Variants in SPNS2 observed in about 807,000 individuals in gnomAD.
SPNS2 encodes the protein SPNS lysolipid transporter 2, sphingosine-1-phosphate.
SPNS2 carries 37 observed loss-of-function variants against 57.6 expected under a neutral mutation model. The ratio of observed to expected loss-of-function variants is 0.64; its 90% confidence interval spans 0.49 to 0.85. SPNS2 has a LOEUF of 0.85. Among genes scored for constraint, SPNS2 ranks in the 40% least tolerant of loss-of-function variants. SPNS2 has a pLI of 0.00. For missense variants in SPNS2, 831 were observed against 779.1 expected (o/e 1.07, Z -0.79); for synonymous variants, 440 against 346.9 (o/e 1.27, Z -2.98).
rs375501046 is a variant in SPNS2 at position 4,531,040 on chromosome 17, C to T, written c.726-13C>T. ...TGTCTCTGCTCAGCCTGACGTGTGT[C>T]TCTTCTCTGCAGTGGCCTGGGCTAC... On this transcript the variant is annotated splice_polypyrimidine_tract_variant and intron_variant, in intron 4 of 12. Coordinates refer to ENST00000329078, the MANE Select transcript of SPNS2 (RefSeq NM_001124758.3). 25 of 1,613,770 alleles carry T rather than the reference C, an allele frequency of 1.5e-5. No homozygotes were observed. The highest frequency in any genetic ancestry group is 1.7e-5 in the Admixed American group (1 of 60,000).
chr17:4,513,224 A>G, intron 1 of SPNS2, 23 bp from the exon 2 acceptor site: 1 of 1,613,180 alleles, frequency 6.2e-7, no homozygotes, highest in East Asian at 2.2e-5. Flanking sequence ...TCGGCCAGTG[A>G]GCACCCTCTG....
chr17:4,503,104 T>C (rs1904574506), intron 1 of SPNS2, among the ~76,000 whole-genome samples: 1 of 152,146 alleles, frequency 6.6e-6, no homozygotes, highest in African/African-American at 2.4e-5. Flanking sequence ...TGCACCTCCT[T>C]GCGCAGATGG....
At position 4,538,438 on chromosome 17, in the gene SPNS2, C is replaced by T. The variant is rs1905998259; in HGVS notation, c.*990C>T. Reference sequence around the variant, plus strand: ...CCGGGAGAGGCGGCCCCTACCCAAACACTGGCTGCTGGCATTCCACCAAGT... The same window carrying T: ...CCGGGAGAGGCGGCCCCTACCCAAATACTGGCTGCTGGCATTCCACCAAGT... On this transcript the variant is annotated 3_prime_UTR_variant, in exon 13 of 13. Coordinates refer to ENST00000329078, the MANE Select transcript of SPNS2 (RefSeq NM_001124758.3). 5.0e-6 allele frequency: 1 copy of T among 199,290 alleles called. No individual in the cohort carries two copies. Among genetic ancestry groups the T allele is most frequent in the Non-Finnish European group, 1.0e-5 (1 of 98,600 alleles). The allele number at this position is 199,290 out of a possible 1,614,324, so 12.3% of individuals were successfully genotyped here. A position where few individuals can be genotyped will look rare whatever the true frequency, so the allele number is the denominator to read the frequency against.
At chr17:4,504,460 G>A (rs1904619358) in intron 1 of SPNS2, among the ~76,000 whole-genome samples, 1 of 152,210 alleles carries the variant, frequency 6.6e-6, no homozygotes, top group Admixed American at 6.5e-5. Context: ...TGGGGCCCTG[G>A]ACCGGTGATG....
rs146824107 is a variant in SPNS2, at chr17:4,525,789, T to C, written c.573+596T>C. 7.9e-5 allele frequency among the ~76,000 whole-genome samples: 12 copies of C among 152,362 alleles called. No individual in the cohort carries two copies. In the East Asian group the frequency reaches 1.9e-3, roughly 24 times the overall value. ...CTCATCTTTAAAATGGGGATAATAC[T>C]TCCCAACTCGAAGGTTTCCCTTGAG... On this transcript the variant is annotated intron_variant, in intron 3 of 12. Coordinates refer to ENST00000329078, the MANE Select transcript of SPNS2 (RefSeq NM_001124758.3).
At chr17:4,508,691 T>C (rs1298368963) in intron 1 of SPNS2, among the ~76,000 whole-genome samples, 1 of 152,244 alleles carries the variant, frequency 6.6e-6, no homozygotes, top group East Asian at 1.9e-4. Flanking sequence ...CCGTACCCAC[T>C]GGGCCAATAC....
chr17:4,523,534 G>A (rs1305419786), intron 2 of SPNS2, among the ~76,000 whole-genome samples: 2 of 152,204 alleles, frequency 1.3e-5, no homozygotes, highest in East Asian at 1.9e-4. Flanking sequence ...TTGGGAGGCC[G>A]AGGCAGGTGG....
Position 4,532,531 on chromosome 17 carries a change from C to T in SPNS2, c.793-11C>T. The T allele has an allele frequency of 6.2e-7, 1 of 1,614,144 alleles. No homozygotes were observed. The highest frequency in any genetic ancestry group is 8.5e-7 in the Non-Finnish European group (1 of 1,180,026). On this transcript the variant is annotated splice_polypyrimidine_tract_variant and intron_variant, in intron 5 of 12. Coordinates refer to ENST00000329078, the MANE Select transcript of SPNS2 (RefSeq NM_001124758.3). ...TGGGCCCTGGTGTCCTAACTTCCTG[C>T]TCTCTGGCAGGTGTCCCCTGTCCTG...
At chr17:4,521,494 A>G (rs977248268) in intron 2 of SPNS2, among the ~76,000 whole-genome samples, 5 of 152,254 alleles carry the variant, frequency 3.3e-5, no homozygotes, top group Non-Finnish European at 7.3e-5. Flanking sequence ...TGCACGTGCT[A>G]TCCAGCACCC....
intron 5 of SPNS2, among the ~76,000 whole-genome samples, chr17:4,532,070 A>G (rs762473075): frequency 6.6e-6 from 1 of 152,048 alleles, no homozygotes; most frequent in Non-Finnish European, 1.5e-5. Context: ...TCATCATCCC[A>G]TCTGGCTATC....
intron 5 of SPNS2, among the ~76,000 whole-genome samples, chr17:4,531,750 A>C (rs111684233): frequency 0.03 from 4,486 of 151,914 alleles, 118 homozygotes; most frequent in African/African-American, 0.059. Context: ...AGGGGCTCCC[A>C]GTCCCGGGGG....
rs777101004 is a variant in SPNS2 at position 4,531,042 on chromosome 17, C to G, written c.726-11C>G. 1.9e-6 allele frequency: 3 copies of G among 1,613,904 alleles called. No homozygotes were observed. Among genetic ancestry groups the G allele is most frequent in the Non-Finnish European group, 2.5e-6 (3 of 1,179,968 alleles). On this transcript the variant is annotated splice_polypyrimidine_tract_variant and intron_variant, in intron 4 of 12. Coordinates refer to ENST00000329078, the MANE Select transcript of SPNS2 (RefSeq NM_001124758.3). ...TCTCTGCTCAGCCTGACGTGTGTCT[C>G]TTCTCTGCAGTGGCCTGGGCTACAT...
chr17:4,505,001 C>T (rs1009793460), intron 1 of SPNS2, among the ~76,000 whole-genome samples: 15 of 152,190 alleles, frequency 9.9e-5, no homozygotes, highest in African/African-American at 2.7e-4. Context: ...ATCTGCTTCC[C>T]GGGAGCTACA....
At position 4,510,282 on chromosome 17, in the gene SPNS2, C is replaced by T. The variant is rs773399743; in HGVS notation, c.371-2965C>T. Among the ~76,000 whole-genome samples, 3 of 152,186 alleles carry T rather than the reference C, an allele frequency of 2.0e-5. No homozygotes were observed. The highest frequency in any genetic ancestry group is 4.1e-4 in the South Asian group (2 of 4,832). On this transcript the variant is annotated intron_variant, in intron 1 of 12. Coordinates refer to ENST00000329078, the MANE Select transcript of SPNS2 (RefSeq NM_001124758.3). This position sits in a 1 kb window ranked among gnomAD's most constrained non-coding sequence, Gnocchi z 4.4. ...GCTTGGACTTGGACCCAAGACTGGG[C>T]GCTGGGGAGTGGTGGGACGGGAGCA...
intron 9 of SPNS2, 128 bp from the exon 10 acceptor site, chr17:4,535,948 A>G: frequency 5.7e-6 from 4 of 701,416 alleles, no homozygotes; most frequent in East Asian, 5.5e-5. Flanking sequence ...CAGGGGAGAG[A>G]GGTGTCAAGA....
In SPNS2 at chr17:4,512,713, C is replaced by A. The variant is rs1025572704; in HGVS notation, c.371-534C>A. Among the ~76,000 whole-genome samples, 20 of 149,082 alleles carry A rather than the reference C, an allele frequency of 1.3e-4. No individual in the cohort carries two copies. The highest frequency in any genetic ancestry group is 2.9e-4 in the Non-Finnish European group (20 of 67,822). The stretch of plus-strand genomic sequence containing the variant: ...GCATGTGTGCAGGTGTGTGCACACA[C>A]GTGCGTGCGTGTGCAGGTGTGTGTG... On this transcript the variant is annotated intron_variant, in intron 1 of 12. Coordinates refer to ENST00000329078, the MANE Select transcript of SPNS2 (RefSeq NM_001124758.3). The surrounding 1 kb of genome is among the most constrained non-coding windows in gnomAD (Gnocchi z 5.2).
chr17:4,521,890 G>A (rs1164659640), intron 2 of SPNS2, among the ~76,000 whole-genome samples: 1 of 152,190 alleles, frequency 6.6e-6, no homozygotes, highest in Non-Finnish European at 1.5e-5. Flanking sequence ...AGGGCGGAGT[G>A]TTTACACCAC....
In SPNS2 at chr17:4,531,093, G is replaced by T. The variant is rs1475179538; in HGVS notation, c.766G>T (p.Ala256Ser). ...TACTGGCTCCAGCGTGAAGCAGGCAGCCGGAGACTGGCACTGGGCATTGCG... is the reference window on the plus strand; with the variant it reads ...TACTGGCTCCAGCGTGAAGCAGGCATCCGGAGACTGGCACTGGGCATTGCG... ...YITGSSVKQA[A>S]GDWHWALRVS... Residue 256 changes from alanine to serine, a missense_variant, in exon 5 of 13, where the codon GCC (alanine) becomes TCC (serine). Physicochemically the swap from Ala to Ser is moderately conservative, Grantham distance 99. Around this residue, in one of 2 missense-constraint regions of SPNS2, gnomAD observed 305 missense variants for 378.3 expected, o/e 0.81. Coordinates refer to ENST00000329078, the MANE Select transcript of SPNS2 (RefSeq NM_001124758.3). 14 of 1,614,008 alleles carry T rather than the reference G, an allele frequency of 8.7e-6. No homozygotes were observed. Among genetic ancestry groups the T allele is most frequent in the Non-Finnish European group, 1.2e-5 (14 of 1,180,010 alleles).
At chr17:4,509,456 C>T (rs913137656) in intron 1 of SPNS2, among the ~76,000 whole-genome samples, 2 of 152,228 alleles carry the variant, frequency 1.3e-5, no homozygotes, top group Non-Finnish European at 2.9e-5. Context: ...ACAACAAATG[C>T]TGTCACCTGT....
Sources: gnomAD v4.1 joint callset for allele counts (sites outside exome capture counted in the v4.1 genomes callset) on GRCh38, gnomAD v4.1.1 for gene constraint, gnomAD v4.1.1 regional missense constraint, Gnocchi (gnomAD v3.1) non-coding constraint, MANE v1.5 for transcripts, NCBI Gene and HGNC (gene_info 2026-07-23, HGNC 2026-07-21) for gene names.